MGMT: variants seen among roughly 807,000 people sequenced by gnomAD.
MGMT encodes O-6-methylguanine-DNA methyltransferase, also known as methylated-DNA--protein-cysteine methyltransferase.
MGMT carries 14 observed loss-of-function variants against 15.9 expected under a neutral mutation model. The ratio of observed to expected loss-of-function variants is 0.88; its 90% CI spans 0.58 to 1.37. MGMT has a LOEUF of 1.37. Among genes scored for constraint, MGMT ranks in the 40% most tolerant of loss-of-function variants. The pLI is 0.00. For synonymous variants in MGMT, 130 were observed against 118.2 expected (o/e 1.10, Z -0.65); for missense variants, 282 against 268.1 (o/e 1.05, Z -0.36).
At chr10:129,475,025 G>A (rs1845275239) in intron 1 of MGMT, among the ~76,000 whole-genome samples, 1 of 152,168 alleles carries the variant, frequency 6.6e-6, no homozygotes, top group Non-Finnish European at 1.5e-5. Context: ...GGGGAGCTTG[G>A]TAAGTGGTTG....
intron 2 of MGMT, among the ~76,000 whole-genome samples, chr10:129,638,448 A>AAAAAAAAAAAAAAAAAAAAAAAG (rs1564744665): frequency 6.7e-6 from 1 of 148,592 alleles, no homozygotes; most frequent in African/African-American, 2.5e-5. Context: ...AAAAAAAAGA[A>AAAAAAAAAAAAAAAAAAAAAAAG]AAAAAAAAGA....
chr10:129,497,530 A>G (rs540278506), intron 1 of MGMT, among the ~76,000 whole-genome samples: 110 of 152,180 alleles, frequency 7.2e-4, no homozygotes, highest in African/African-American at 2.5e-3. Flanking sequence ...AAATAGCACA[A>G]AGTTTCTGTA....
At chr10:129,766,249 G>C (rs927429151) in intron 4 of MGMT, among the ~76,000 whole-genome samples, 1 of 152,184 alleles carries the variant, frequency 6.6e-6, no homozygotes. Context: ...GGAGAAAAAG[G>C]CATGGCTGCG....
chr10:129,688,926 TTTG>T (rs1469967279), intron 2 of MGMT, among the ~76,000 whole-genome samples: 2 of 151,788 alleles, frequency 1.3e-5, no homozygotes, highest in Non-Finnish European at 2.9e-5. Flanking sequence ...TGTTTATGGG[TTTG>T]TTTTTTTTTT....
intron 1 of MGMT, among the ~76,000 whole-genome samples, chr10:129,512,610 G>C (rs190467319): frequency 2.0e-5 from 3 of 152,198 alleles, no homozygotes. Flanking sequence ...CATGAAGGAA[G>C]TACCATCAAT....
At chr10:129,577,222 T>A (rs113072136) in intron 2 of MGMT, among the ~76,000 whole-genome samples, 1 of 152,204 alleles carries the variant, frequency 6.6e-6, no homozygotes, top group Non-Finnish European at 1.5e-5. Flanking sequence ...GAGCCCACAT[T>A]GCCAAGTCAA....
chr10:129,529,544 C>T (rs909432871), intron 1 of MGMT, among the ~76,000 whole-genome samples: 21 of 152,164 alleles, frequency 1.4e-4, no homozygotes, highest in Admixed American at 9.2e-4. Context: ...TAACAGGCCA[C>T]GGACTGGACC....
At chr10:129,718,443 C>T (rs1343380819) in intron 3 of MGMT, among the ~76,000 whole-genome samples, 1 of 150,706 alleles carries the variant, frequency 6.6e-6, no homozygotes, top group Non-Finnish European at 1.5e-5. Context: ...CAAGTGAGGT[C>T]AGGCCTGGCC....
At chr10:129,739,107 C>G (rs771512953) in intron 3 of MGMT, among the ~76,000 whole-genome samples, 15 of 152,200 alleles carry the variant, frequency 9.9e-5, no homozygotes, top group Admixed American at 2.6e-4. Flanking sequence ...TTCAGCAGCG[C>G]TTCATGCTAA....
In MGMT at chr10:129,567,192, G is replaced by A. The variant is rs566204053; in HGVS notation, c.125+30815G>A. Among the ~76,000 whole-genome samples, 4 of 152,174 alleles carry A rather than the reference G, an allele frequency of 2.6e-5. No individual in the cohort carries two copies. In the East Asian group the frequency reaches 5.8e-4, roughly 22 times the overall value. On this transcript the variant is annotated intron_variant, in intron 2 of 4. Coordinates refer to ENST00000651593, the MANE Select transcript of MGMT (RefSeq NM_002412.5). ...CGTTCAGCCCGTGCGGGTGGTCATC[G>A]GCCAGACCCATCCAGCCTGTGGCCC...
chr10:129,641,049 A>G (rs913719064), intron 2 of MGMT, among the ~76,000 whole-genome samples: 2 of 152,224 alleles, frequency 1.3e-5, no homozygotes, highest in African/African-American at 2.4e-5. Flanking sequence ...CATCAAGGGA[A>G]AAAATGATTT....
chr10:129,506,084 A>T (rs1034230923), intron 1 of MGMT, among the ~76,000 whole-genome samples: 7 of 150,484 alleles, frequency 4.7e-5, no homozygotes, highest in Non-Finnish European at 1.0e-4. Flanking sequence ...CCTCAGGGGA[A>T]CTTTGTCATG....
chr10:129,717,144 C>A (rs1459049538), intron 3 of MGMT, among the ~76,000 whole-genome samples: 2 of 152,130 alleles, frequency 1.3e-5, no homozygotes, highest in African/African-American at 4.8e-5. Context: ...TTCAGCCCGG[C>A]AACACAAAAA....
In MGMT at chr10:129,770,495, G is replaced by A. The variant is rs888779599; in HGVS notation, c.*3498G>A. 3.3e-5 allele frequency among the ~76,000 whole-genome samples: 5 copies of A among 152,202 alleles called. No individual in the cohort carries two copies. The highest frequency in any genetic ancestry group is 7.3e-5 in the Non-Finnish European group (5 of 68,042). On this transcript the variant is annotated 3_prime_UTR_variant, in exon 5 of 5. Transcript: ENST00000651593. ...ACGTCCCCTCCCGGTCTCATCTGCC[G>A]CTTGCTCACCTTGGCTGTCCATGCA...
At chr10:129,578,613 C>A (rs1413709570) in intron 2 of MGMT, among the ~76,000 whole-genome samples, 1 of 152,138 alleles carries the variant, frequency 6.6e-6, no homozygotes. Flanking sequence ...AGCACACCAA[C>A]ATGGCACATG....
intron 2 of MGMT, among the ~76,000 whole-genome samples, chr10:129,624,357 T>G (rs1847122901): frequency 6.6e-6 from 1 of 152,170 alleles, no homozygotes; most frequent in Non-Finnish European, 1.5e-5. Context: ...GCACTGAAGT[T>G]CCTGCAGCCT....
At chr10:129,608,905 A>G (rs919059283) in intron 2 of MGMT, among the ~76,000 whole-genome samples, 7 of 152,208 alleles carry the variant, frequency 4.6e-5, no homozygotes, top group Admixed American at 2.0e-4. Flanking sequence ...TTCCTTTGCT[A>G]TTGGTTTAGA....
At chr10:129,658,306 C>G (rs1335482710) in intron 2 of MGMT, among the ~76,000 whole-genome samples, 1 of 152,132 alleles carries the variant, frequency 6.6e-6, no homozygotes, top group Non-Finnish European at 1.5e-5. Flanking sequence ...AACAGCGTCG[C>G]CTTGCCTTGC....
intron 1 of MGMT, among the ~76,000 whole-genome samples, chr10:129,509,320 G>A (rs377357909): frequency 4.1e-4 from 63 of 152,232 alleles, no homozygotes; most frequent in East Asian, 7.7e-4. Context: ...TGATAGTCCC[G>A]CCCCTCGAGA....
Sources: gnomAD v4.1 joint callset for allele counts (sites outside exome capture counted in the v4.1 genomes callset) on GRCh38, gnomAD v4.1.1 for gene constraint, MANE v1.5 for transcripts, NCBI Gene and HGNC (gene_info 2026-07-23, HGNC 2026-07-21) for gene names.